The following SSH2 variants were observed in gnomAD, a reference collection of about 807,000 sequenced individuals.
SSH2 encodes the protein protein phosphatase Slingshot homolog 2.
A neutral mutation model predicts 135.2 loss-of-function variants in SSH2; 37 were observed. The observed-to-expected ratio is 0.27, with a 90% confidence interval of 0.21 to 0.36. SSH2 has a LOEUF of 0.36. SSH2 is among the 10% of genes least tolerant of loss of function. SSH2 has a pLI of 1.00. For synonymous variants in SSH2, 628 were observed against 646.2 expected (o/e 0.97, Z 0.43); for missense variants, 1,408 against 1,765.3 (o/e 0.80, Z 3.63).
At chr17:29,652,637 T>C (rs1456924666) in intron 12 of SSH2, among the ~76,000 whole-genome samples, 1 of 152,048 alleles carries the variant, frequency 6.6e-6, no homozygotes, top group Non-Finnish European at 1.5e-5. Flanking sequence ...CAACACACTT[T>C]CCTTATTTTA....
At chr17:29,876,327 G>C (rs961011993) in intron 1 of SSH2, among the ~76,000 whole-genome samples, 1 of 152,038 alleles carries the variant, frequency 6.6e-6, no homozygotes. Context: ...AGAGAATCCA[G>C]AAAGAAATCC....
rs150297744 is a variant in SSH2, at chr17:29,852,990, T to A, written c.64-4061A>T. 3.9e-3 allele frequency among the ~76,000 whole-genome samples: 586 copies of A among 151,970 alleles called. 16 individuals carry two copies. The highest frequency in any genetic ancestry group is 0.014 in the African/African-American group (562 of 41,358). On this transcript the variant is annotated intron_variant, in intron 1 of 15. Transcript: ENST00000540801. ...CTACTAAACTACACAATTATTTAAATAGATGCTAAAAAGCGTTTGACAAAA... is the reference window on the plus strand; with the variant it reads ...CTACTAAACTACACAATTATTTAAAAAGATGCTAAAAAGCGTTTGACAAAA...
chr17:29,749,700 T>A lies in SSH2; in HGVS notation c.188+44194A>T, dbSNP rs921556222. On this transcript the variant is annotated intron_variant, in intron 3 of 15. Transcript: ENST00000540801. Reference sequence around the variant, plus strand: ...CTTTATAAACACCATACACTTAGGCTACACTAAATTTATTTTAAAAACTTA... The same window carrying A: ...CTTTATAAACACCATACACTTAGGCAACACTAAATTTATTTTAAAAACTTA... 2.0e-5 allele frequency among the ~76,000 whole-genome samples: 3 copies of A among 152,144 alleles called. No individual in the cohort carries two copies. In the South Asian group the frequency reaches 6.2e-4, roughly 32 times the overall value.
chr17:29,856,173 GA>G (rs35596278), intron 1 of SSH2: 1 of 306,352 alleles, frequency 3.3e-6, no homozygotes, highest in Non-Finnish European at 6.3e-6. Context: ...CTTAAGTCCA[GA>G]AAAATGTATT....
At chr17:29,797,160 A>T (rs2042172413) in intron 2 of SSH2, among the ~76,000 whole-genome samples, 1 of 151,858 alleles carries the variant, frequency 6.6e-6, no homozygotes, top group African/African-American at 2.4e-5. Context: ...ATATACAATG[A>T]AATATACAAA....
intron 1 of SSH2, among the ~76,000 whole-genome samples, chr17:29,865,169 T>A (rs2065832852): frequency 6.6e-6 from 1 of 152,208 alleles, no homozygotes; most frequent in African/African-American, 2.4e-5. Context: ...CATATTTGAC[T>A]CAGATACAAA....
At chr17:29,699,789 G>C (rs1388240430) in intron 4 of SSH2, among the ~76,000 whole-genome samples, 1 of 152,122 alleles carries the variant, frequency 6.6e-6, no homozygotes, top group East Asian at 1.9e-4. Flanking sequence ...GAAATAAAAA[G>C]CTTAGTGGGC....
intron 2 of SSH2, among the ~76,000 whole-genome samples, chr17:29,799,116 A>T (rs2042207389): frequency 6.6e-6 from 1 of 152,204 alleles, no homozygotes; most frequent in South Asian, 2.1e-4. Context: ...TACTTATTAC[A>T]TATAGCTATA....
At chr17:29,722,214 T>C (rs1598877275) in intron 3 of SSH2, among the ~76,000 whole-genome samples, 1 of 148,140 alleles carries the variant, frequency 6.8e-6, no homozygotes, top group Non-Finnish European at 1.5e-5. Context: ...GTGGAGGTTG[T>C]AGTGAGCCGA....
intron 8 of SSH2, among the ~76,000 whole-genome samples, chr17:29,673,434 G>C (rs183352249): frequency 1.3e-5 from 2 of 152,194 alleles, no homozygotes; most frequent in African/African-American, 4.8e-5. Context: ...GCTGGGAACG[G>C]TGGCACATGC....
chr17:29,761,874 TATATA>T (rs1567957542), intron 3 of SSH2, among the ~76,000 whole-genome samples: 1 of 96,758 alleles, frequency 1.0e-5, no homozygotes, highest in African/African-American at 3.9e-5. Flanking sequence ...TGTGTGTGTA[TATATA>T]TATATATATT....
chr17:29,885,348 T>TAAAAAAA (rs72403205), intron 1 of SSH2, among the ~76,000 whole-genome samples: 4 of 127,114 alleles, frequency 3.1e-5, no homozygotes, highest in Non-Finnish European at 3.3e-5. Context: ...TATTGTATCA[T>TAAAAAAA]AAAAAAAAAA....
intron 1 of SSH2, among the ~76,000 whole-genome samples, chr17:29,862,950 A>G (rs543243809): frequency 7.2e-5 from 11 of 152,310 alleles, no homozygotes; most frequent in African/African-American, 2.6e-4. Context: ...ATCCCTTCTG[A>G]ACCTTCCTTA....
intron 3 of SSH2, among the ~76,000 whole-genome samples, chr17:29,783,374 C>G (rs1195398311): frequency 6.7e-6 from 1 of 148,390 alleles, no homozygotes; most frequent in Non-Finnish European, 1.5e-5. Flanking sequence ...CTTACATGAT[C>G]ACAAGGTCCC....
intron 6 of SSH2, among the ~76,000 whole-genome samples, chr17:29,683,631 G>A (rs2038079373): frequency 6.6e-6 from 1 of 152,102 alleles, no homozygotes; most frequent in Non-Finnish European, 1.5e-5. Context: ...AATCATTACT[G>A]ACTACAATAG....
chr17:29,855,536 A>T (rs1278505256), intron 1 of SSH2, among the ~76,000 whole-genome samples: 1 of 151,400 alleles, frequency 6.6e-6, no homozygotes, highest in Admixed American at 6.6e-5. Flanking sequence ...ACTATCAGAC[A>T]TCAAACAATA....
intron 3 of SSH2, among the ~76,000 whole-genome samples, chr17:29,715,440 T>C (rs2039589938): frequency 6.6e-6 from 1 of 151,606 alleles, no homozygotes; most frequent in Non-Finnish European, 1.5e-5. Context: ...AGAGATGGGG[T>C]TTCACTGTGT....
At chr17:29,754,587 C>T (rs767232059) in intron 3 of SSH2, among the ~76,000 whole-genome samples, 7 of 152,140 alleles carry the variant, frequency 4.6e-5, no homozygotes, top group Non-Finnish European at 8.8e-5. Flanking sequence ...AACAGCAAAT[C>T]AAGCAATGTT....
chr17:29,696,319 TAC>T (rs941906351), intron 4 of SSH2, among the ~76,000 whole-genome samples: 17 of 149,338 alleles, frequency 1.1e-4, no homozygotes, highest in African/African-American at 4.2e-4. Flanking sequence ...TATATAAATA[TAC>T]ATACATATAT....
Sources: gnomAD v4.1 joint callset for allele counts (sites outside exome capture counted in the v4.1 genomes callset) on GRCh38, gnomAD v4.1.1 for gene constraint, MANE v1.5 for transcripts, NCBI Gene and HGNC (gene_info 2026-07-23, HGNC 2026-07-21) for gene names.